The following CCDC42 variants were observed in gnomAD, a reference collection of about 807,000 sequenced individuals.
CCDC42 encodes coiled-coil domain-containing protein 42.
A neutral mutation model predicts 40.8 loss-of-function variants in CCDC42; 38 were observed. The observed-to-expected ratio is 0.93, with a 90% confidence interval of 0.72 to 1.22. The LOEUF is 1.22. Ranked by LOEUF, CCDC42 falls within the 50% of genes most tolerant of loss-of-function variation. The pLI, the probability that CCDC42 is intolerant of heterozygous loss-of-function variation, is 0.00. For missense variants in CCDC42, 379 were observed against 416.5 expected (o/e 0.91, Z 0.78); for synonymous variants, 135 against 157.5 (o/e 0.86, Z 1.07).
chr17:8,735,111 G>A lies in CCDC42; in HGVS notation c.858C>T (p.His286=). The A allele has an allele frequency of 6.2e-7, 1 of 1,614,194 alleles. No homozygotes were observed. The highest frequency in any genetic ancestry group is 8.5e-7 in the Non-Finnish European group (1 of 1,180,038). ...EVTEVALEDT[H]KQLDMIQQFI... is the part of the protein sequence containing the mutation. ...CTCCTCCTACCATGTCCAGCTGCTT[G>A]TGGGTGTCCTCCAGTGCCACCTCAG... The change falls in exon 6 of 7, where the codon CAC becomes CAT. Residue 286 remains histidine, a synonymous_variant. Transcript: ENST00000293845. This position sits in a 1 kb window ranked among gnomAD's most constrained non-coding sequence, Gnocchi z 4.7.
Position 8,730,121 on chromosome 17 carries a change from G to C in CCDC42, c.*9C>G, listed in dbSNP as rs531785716. 1.8e-5 allele frequency: 29 copies of C among 1,612,550 alleles called. No individual in the cohort carries two copies. Among genetic ancestry groups the C allele is most frequent in the Non-Finnish European group, 2.3e-5 (27 of 1,178,844 alleles). ...CTGTCTCAGGACATTCTGGAACAAG[G>C]CTGCCTCCTTAAATCCGGACTCGCT... On this transcript the variant is annotated 3_prime_UTR_variant, in exon 7 of 7. Transcript: ENST00000293845.
rs1474019699 is a variant in CCDC42 at position 8,738,756 on chromosome 17, C to G, written c.492+2718G>C. ...CTGGGATTACAAGCGTGAGCCACCG[C>G]ACCTGGCTATTTGAGAATTTTTGAA... is the stretch of plus-strand genomic sequence containing the variant. On this transcript the variant is annotated intron_variant, in intron 4 of 6. Coordinates refer to ENST00000293845, the MANE Select transcript of CCDC42 (RefSeq NM_144681.3). Among the ~76,000 whole-genome samples the G allele has an allele frequency of 2.0e-5, 3 of 152,088 alleles. No individual in the cohort carries two copies. The East Asian group carries it at 5.8e-4, about 29-fold the overall frequency.
At chr17:8,736,202 A>G (rs1422213130) in intron 4 of CCDC42, among the ~76,000 whole-genome samples, 1 of 152,230 alleles carries the variant, frequency 6.6e-6, no homozygotes, top group Middle Eastern at 3.2e-3. Flanking sequence ...GGGAGGACAG[A>G]CAGACAAGTA....
At chr17:8,733,553 C>T (rs1438458532) in intron 6 of CCDC42, among the ~76,000 whole-genome samples, 1 of 152,172 alleles carries the variant, frequency 6.6e-6, no homozygotes, top group Non-Finnish European at 1.5e-5. Context: ...TGCAATGGCA[C>T]GATCTTGGCT....
At chr17:8,737,387 C>T (rs543450711) in intron 4 of CCDC42, among the ~76,000 whole-genome samples, 1 of 152,292 alleles carries the variant, frequency 6.6e-6, no homozygotes, top group African/African-American at 2.4e-5. Context: ...AGGATTAAAA[C>T]ATATCAAATA....
At chr17:8,734,434 A>G (rs1026665605) in intron 6 of CCDC42, among the ~76,000 whole-genome samples, 6 of 149,228 alleles carry the variant, frequency 4.0e-5, no homozygotes, top group African/African-American at 1.5e-4. Flanking sequence ...TAGGCTAATT[A>G]TTTGTTTTAG....
chr17:8,735,383 C>G lies in CCDC42; in HGVS notation c.714+7G>C, dbSNP rs1400180090. 1 of 1,613,572 alleles carries G rather than the reference C, an allele frequency of 6.2e-7. No individual in the cohort carries two copies. The highest frequency in any genetic ancestry group is 8.5e-7 in the Non-Finnish European group (1 of 1,179,984). ...TGGGAGCCCCCGGCCCGCCCCGGGCCCCTCACCCAGAAGATGACATTGCTG... is the reference window on the plus strand; with the variant it reads ...TGGGAGCCCCCGGCCCGCCCCGGGCGCCTCACCCAGAAGATGACATTGCTG... On this transcript the variant is annotated splice_region_variant and intron_variant, in intron 5 of 6. Coordinates refer to ENST00000293845, the MANE Select transcript of CCDC42 (RefSeq NM_144681.3). The surrounding 1 kb of genome is among the most constrained non-coding windows in gnomAD (Gnocchi z 4.7).
intron 3 of CCDC42, among the ~76,000 whole-genome samples, chr17:8,741,967 A>G (rs2086648680): frequency 6.6e-6 from 1 of 152,160 alleles, no homozygotes. Context: ...AGGGGCAGAC[A>G]GGAAATGGTT....
chr17:8,738,016 G>GGC (rs2086621927), intron 4 of CCDC42, among the ~76,000 whole-genome samples: 1 of 151,394 alleles, frequency 6.6e-6, no homozygotes. Flanking sequence ...GATTTGGGGG[G>GGC]GGTCTCACTT....
At chr17:8,741,114 A>G (rs2086640458) in intron 4 of CCDC42, among the ~76,000 whole-genome samples, 1 of 152,182 alleles carries the variant, frequency 6.6e-6, no homozygotes, top group Non-Finnish European at 1.5e-5. Flanking sequence ...ACACCCACAC[A>G]CACACCCCTT....
At position 8,744,633 on chromosome 17, in the gene CCDC42, G is replaced by A. The variant is rs750302481; in HGVS notation, c.-24C>T. On this transcript the variant is annotated 5_prime_UTR_variant, in exon 1 of 7. Coordinates refer to ENST00000293845, the MANE Select transcript of CCDC42 (RefSeq NM_144681.3). ...ATGGTGGCAGTGACCTCACGGCCCA[G>A]GCAGCTGACTCTTCACAGTGAAATT... 26 of 1,559,396 alleles carry A rather than the reference G, an allele frequency of 1.7e-5. No individual in the cohort carries two copies. Among genetic ancestry groups the A allele is most frequent in the Non-Finnish European group, 2.1e-5 (24 of 1,133,378 alleles).
rs1427152194 is a variant in CCDC42, at chr17:8,735,023, T to C, written c.873+73A>G. On this transcript the variant is annotated intron_variant, in intron 6 of 6. Transcript: ENST00000293845. The surrounding 1 kb of genome is among the most constrained non-coding windows in gnomAD (Gnocchi z 4.7). ...CTCTGCTTCTCTGTCAGGTTCATTCTTCCACCCAACCAACTGGCAACCTCC... is the reference window on the plus strand; with the variant it reads ...CTCTGCTTCTCTGTCAGGTTCATTCCTCCACCCAACCAACTGGCAACCTCC... The C allele has an allele frequency of 6.5e-7, 1 of 1,535,934 alleles. No individual in the cohort carries two copies. The highest frequency in any genetic ancestry group is 8.9e-7 in the Non-Finnish European group (1 of 1,117,930).
chr17:8,740,605 G>C (rs396002), intron 4 of CCDC42, among the ~76,000 whole-genome samples: 1 of 152,092 alleles, frequency 6.6e-6, no homozygotes, highest in East Asian at 1.9e-4. Context: ...GGAGAGGTCA[G>C]AGGTAGGAGA....
chr17:8,737,925 C>A (rs1435160754), intron 4 of CCDC42, among the ~76,000 whole-genome samples: 70 of 152,214 alleles, frequency 4.6e-4, no homozygotes, highest in Admixed American at 4.6e-3. Flanking sequence ...ACGCAGTCCT[C>A]CTGCCTCAGC....
At chr17:8,731,332 T>C (rs1355358969) in intron 6 of CCDC42, among the ~76,000 whole-genome samples, 1 of 152,216 alleles carries the variant, frequency 6.6e-6, no homozygotes, top group Non-Finnish European at 1.5e-5. Context: ...TCAACCATTG[T>C]GGAAGGCAGT....
Position 8,741,612 on chromosome 17 carries a change from C to T in CCDC42, c.354G>A (p.Lys118=), listed in dbSNP as rs1384289552. ...TGGTCAGCTCCTGCATGTGCTGGCA[C>T]TTGAGTTCTCGCTCCTTGTTGGCTT... The part of the protein sequence containing the change: ...MKKANKEREL[K]CQHMQELTKR... The change falls in exon 4 of 7, where the codon AAG becomes AAA. Residue 118 remains lysine (K), a synonymous_variant. Transcript: ENST00000293845. 3 of 1,614,048 alleles carry T rather than the reference C, an allele frequency of 1.9e-6. No homozygotes were observed. In the Admixed American group the frequency reaches 5.0e-5, roughly 27 times the overall value.
intron 1 of CCDC42, 133 bp downstream of exon 1, chr17:8,744,394 G>T: frequency 2.5e-6 from 2 of 799,366 alleles, no homozygotes; most frequent in Non-Finnish European, 2.1e-6. Flanking sequence ...TGATGAGGTG[G>T]ACTGGTGCCA....
chr17:8,743,775 G>T, intron 2 of CCDC42, 45 bp from the exon 3 acceptor site: 1 of 1,142,930 alleles, frequency 8.7e-7, no homozygotes, highest in Non-Finnish European at 1.3e-6. Flanking sequence ...GAGGGCTCCT[G>T]ACATGAGTAC....
At chr17:8,736,417 C>G (rs1302836233) in intron 4 of CCDC42, among the ~76,000 whole-genome samples, 2 of 152,250 alleles carry the variant, frequency 1.3e-5, no homozygotes, top group African/African-American at 4.8e-5. Context: ...CCATGCCACT[C>G]TGGCCCTAAC....
Sources: gnomAD v4.1 joint callset for allele counts (sites outside exome capture counted in the v4.1 genomes callset) on GRCh38, gnomAD v4.1.1 for gene constraint, Gnocchi (gnomAD v3.1) non-coding constraint, MANE v1.5 for transcripts, NCBI Gene and HGNC (gene_info 2026-07-23, HGNC 2026-07-21) for gene names.